The following ANKHD1 variants were observed in gnomAD, a reference collection of about 807,000 sequenced individuals.
ANKHD1 encodes ankyrin repeat and KH domain-containing protein 1.
In ANKHD1, 31 loss-of-function variants were observed where a neutral mutation model predicts 230.5. That is an observed-to-expected ratio of 0.13 (90% CI 0.10 to 0.18). ANKHD1 has a LOEUF of 0.18. ANKHD1 is among the 10% of genes least tolerant of loss of function. The pLI is 1.00. For synonymous variants in ANKHD1, 1,074 were observed against 1,117.6 expected, an observed-to-expected ratio of 0.96 and a Z score of 0.78; for missense variants, 2,256 against 3,071.3, an observed-to-expected ratio of 0.73 and a Z score of 6.27.
At chr5:140,454,910 A>G (rs1581270009) in intron 7 of ANKHD1, among the ~76,000 whole-genome samples, 3 of 152,322 alleles carry the variant, frequency 2.0e-5, no homozygotes, top group African/African-American at 7.2e-5. Flanking sequence ...CTTCAAAAAA[A>G]ATCAATGAAT....
intron 1 of ANKHD1, among the ~76,000 whole-genome samples, chr5:140,413,414 T>C (rs1432911401): frequency 6.6e-6 from 1 of 152,204 alleles, no homozygotes; most frequent in East Asian, 1.9e-4. Context: ...GTATTTACAT[T>C]GTTGTGCAAC....
intron 14 of ANKHD1, among the ~76,000 whole-genome samples, chr5:140,489,739 A>G (rs1446031181): frequency 1.3e-5 from 2 of 152,184 alleles, no homozygotes; most frequent in South Asian, 2.1e-4. Context: ...ATAAACATGG[A>G]CTACCTTTCT....
intron 25 of ANKHD1, among the ~76,000 whole-genome samples, chr5:140,524,692 C>G (rs942312588): frequency 3.3e-5 from 5 of 152,106 alleles, no homozygotes; most frequent in Non-Finnish European, 7.4e-5. Context: ...TCTGGCAGTG[C>G]TTGTAGTAGG....
chr5:140,427,379 C>A (rs1311273425), intron 1 of ANKHD1, among the ~76,000 whole-genome samples: 1 of 60,390 alleles, frequency 1.7e-5, no homozygotes, highest in Non-Finnish European at 3.4e-5. Flanking sequence ...GGGCTGACCC[C>A]CCCCCACCTC....
intron 1 of ANKHD1, among the ~76,000 whole-genome samples, chr5:140,424,132 A>T (rs1413610296): frequency 2.8e-4 from 42 of 152,136 alleles, no homozygotes; most frequent in Non-Finnish European, 1.2e-4. Flanking sequence ...TGTAGTTCTT[A>T]GAACATATCA....
chr5:140,484,992 T>C (rs1751440076), intron 11 of ANKHD1, 129 bp from the exon 12 acceptor site: 13 of 1,360,170 alleles, frequency 9.6e-6, no homozygotes, highest in Non-Finnish European at 1.1e-5. Flanking sequence ...AAATTCAAAC[T>C]ATACACTTAA....
intron 14 of ANKHD1, among the ~76,000 whole-genome samples, chr5:140,491,160 A>ATTTTTTT (rs1222038703): frequency 2.4e-4 from 11 of 45,658 alleles, no homozygotes; most frequent in African/African-American, 3.9e-4. Context: ...ATATATATAT[A>ATTTTTTT]TTTTTTTTTT....
chr5:140,434,407 A>AAT (rs748006068), intron 1 of ANKHD1, among the ~76,000 whole-genome samples: 1 of 150,092 alleles, frequency 6.7e-6, no homozygotes, highest in African/African-American at 2.4e-5. Context: ...ATATTACAGT[A>AAT]ATATATATAG....
intron 32 of ANKHD1, 138 bp downstream of exon 32, chr5:140,538,399 GCA>G: frequency 2.1e-6 from 3 of 1,398,622 alleles, no homozygotes; most frequent in Non-Finnish European, 9.6e-7. Context: ...TTTCAGGAGT[GCA>G]CAGAGTTGTC....
At chr5:140,452,500 C>T (rs896482301) in intron 7 of ANKHD1, among the ~76,000 whole-genome samples, 49 of 152,232 alleles carry the variant, frequency 3.2e-4, no homozygotes, top group African/African-American at 1.1e-3. Context: ...CTCACACGGC[C>T]GGGTATCCCT....
intron 1 of ANKHD1, among the ~76,000 whole-genome samples, chr5:140,403,802 C>CT (rs1455970983): frequency 3.3e-5 from 5 of 152,094 alleles, no homozygotes; most frequent in African/African-American, 1.2e-4. Context: ...ATTTTAACCT[C>CT]TGGTCTTGGT....
intron 5 of ANKHD1, 64 bp from the exon 6 acceptor site, chr5:140,445,673 CTTTTA>C (rs1273231963): frequency 3.9e-6 from 5 of 1,278,556 alleles, no homozygotes; most frequent in Non-Finnish European, 5.0e-6. Flanking sequence ...CTTTTTAAAT[CTTTTA>C]TTTATTTTTA....
chr5:140,509,838 A>G, intron 21 of ANKHD1, 26 bp downstream of exon 21: 1 of 1,588,648 alleles, frequency 6.3e-7, no homozygotes, highest in Non-Finnish European at 8.5e-7. Flanking sequence ...TTATATGTAG[A>G]ACTTCTCATG....
Position 140,485,822 on chromosome 5 carries a change from C to A in ANKHD1, c.2142+90C>A. 1.3e-6 allele frequency: 2 copies of A among 1,536,966 alleles called. No homozygotes were observed. The highest frequency in any genetic ancestry group is 2.5e-5 in the South Asian group (2 of 80,980). ...TAAAATCAGTTTTAAGCAAAATGGA[C>A]TTGTTTTTATTCTCTGTTACATATT... is the stretch of plus-strand genomic sequence containing the variant. On this transcript the variant is annotated intron_variant, in intron 13 of 33. Coordinates refer to ENST00000360839, the MANE Select transcript of ANKHD1 (RefSeq NM_017747.3). This position sits in a 1 kb window ranked among gnomAD's most constrained non-coding sequence, Gnocchi z 4.8.
At chr5:140,478,208 G>A (rs1447071922) in intron 10 of ANKHD1, among the ~76,000 whole-genome samples, 1 of 151,662 alleles carries the variant, frequency 6.6e-6, no homozygotes, top group South Asian at 2.1e-4. Context: ...CCCAAATGTA[G>A]GGAAAAAATA....
chr5:140,419,871 C>CT (rs1177882935), intron 1 of ANKHD1, among the ~76,000 whole-genome samples: 16 of 99,448 alleles, frequency 1.6e-4, no homozygotes, highest in Non-Finnish European at 2.6e-4. Flanking sequence ...TCTTTTCTTT[C>CT]TTTCTTCTTC....
At chr5:140,488,729 A>G (rs927443559) in intron 14 of ANKHD1, among the ~76,000 whole-genome samples, 2 of 151,892 alleles carry the variant, frequency 1.3e-5, no homozygotes, top group African/African-American at 4.8e-5. Context: ...GTGAAATCCC[A>G]TCTCTACTAA....
At chr5:140,414,014 CAT>C (rs1771152183) in intron 1 of ANKHD1, among the ~76,000 whole-genome samples, 1 of 152,118 alleles carries the variant, frequency 6.6e-6, no homozygotes, top group African/African-American at 2.4e-5. Flanking sequence ...CTCCTGACCT[CAT>C]GTGATCCACT....
In ANKHD1 at chr5:140,458,657, G is replaced by A. The variant is rs1775403418; in HGVS notation, c.1275G>A (p.Leu425=). The A allele has an allele frequency of 1.9e-6, 3 of 1,604,464 alleles. No individual in the cohort carries two copies. Among genetic ancestry groups the A allele is most frequent in the Non-Finnish European group, 2.6e-6 (3 of 1,174,220 alleles). Residue 425 remains leucine, a synonymous_variant, in exon 8 of 34, where the codon TTG becomes TTA. Coordinates refer to ENST00000360839, the MANE Select transcript of ANKHD1 (RefSeq NM_017747.3). ...DGHVEVARLL[L]DSGAQVNMPA... is the part of the protein sequence containing the mutation. Reference sequence around the variant, plus strand: ...ATGTAGAGGTGGCACGTTTGCTTTTGGATAGTGGTGCTCAAGTGAACATGC... The same window carrying A: ...ATGTAGAGGTGGCACGTTTGCTTTTAGATAGTGGTGCTCAAGTGAACATGC...
Sources: gnomAD v4.1 joint callset for allele counts (sites outside exome capture counted in the v4.1 genomes callset) on GRCh38, gnomAD v4.1.1 for gene constraint, Gnocchi (gnomAD v3.1) non-coding constraint, MANE v1.5 for transcripts, NCBI Gene and HGNC (gene_info 2026-07-23, HGNC 2026-07-21) for gene names.